The following XPR1 variants were observed in gnomAD, a reference collection of about 807,000 sequenced individuals.
The protein encoded by XPR1 is xenotropic and polytropic retrovirus receptor 1, also known as solute carrier family 53 member 1.
XPR1 carries 28 observed loss-of-function variants against 87.5 expected under a neutral mutation model. That is an observed-to-expected ratio of 0.32 (90% CI 0.24 to 0.44). The LOEUF (loss-of-function observed/expected upper bound fraction) is 0.44, where lower values mean the gene tolerates loss of function less well. XPR1 is among the 20% of genes least tolerant of loss of function. The probability of loss-of-function intolerance (pLI) is 1.00; values close to 1 mark genes in which losing one functional copy is unlikely to be tolerated. For missense variants in XPR1, 559 were observed against 862.3 expected, an observed-to-expected ratio of 0.65 and a Z score of 4.41; for synonymous variants, 300 against 306.1, an observed-to-expected ratio of 0.98 and a Z score of 0.21.
chr1:180,719,332 A>G (rs1207554080), intron 2 of XPR1, among the ~76,000 whole-genome samples: 1 of 152,240 alleles, frequency 6.6e-6, no homozygotes, highest in Non-Finnish European at 1.5e-5. Context: ...AATAAAGAAA[A>G]AAGTTGGAAG....
Position 180,834,899 on chromosome 1 carries a change from A to G in XPR1, c.1160A>G (p.His387Arg), listed in dbSNP as rs1357443383. 6.2e-7 allele frequency: 1 copy of G among 1,612,192 alleles called. No individual in the cohort carries two copies. Among genetic ancestry groups the G allele is most frequent in the Middle Eastern group, 1.7e-4 (1 of 6,050 alleles). ...LLFRVFTAPF[H>R]KVGFADFWLA... ...TTTCGAGTATTTACAGCCCCCTTCC[A>G]TAAGGTAGGCTTTGCTGATTTCTGG... The change falls in exon 10 of 15, where the codon CAT (histidine) becomes CGT (arginine). Residue 387 changes from histidine (H) to arginine (R), a missense_variant. His to Arg is a conservative substitution (Grantham distance 29, BLOSUM62 0). Around this residue, in one of 7 missense-constraint regions of XPR1, gnomAD observed 264 missense variants for 377.2 expected, o/e 0.70. Transcript: ENST00000367590.
At chr1:180,876,648 A>G (rs1193676153) in intron 13 of XPR1, among the ~76,000 whole-genome samples, 4 of 151,820 alleles carry the variant, frequency 2.6e-5, no homozygotes, top group Non-Finnish European at 5.9e-5. Context: ...AAAAAAAAAA[A>G]GAAAGAAACC....
At chr1:180,782,061 A>AGAG (rs1254531109) in intron 2 of XPR1, among the ~76,000 whole-genome samples, 1 of 152,004 alleles carries the variant, frequency 6.6e-6, no homozygotes, top group Admixed American at 6.6e-5. Context: ...ATTTTAGTAT[A>AGAG]ACTCACTGAT....
chr1:180,803,314 A>C, intron 3 of XPR1, 74 bp from the exon 4 acceptor site: 1 of 1,359,570 alleles, frequency 7.4e-7, no homozygotes, highest in Non-Finnish European at 1.0e-6. Flanking sequence ...GCAAATGGGA[A>C]TTATTAAAAA....
intron 12 of XPR1, among the ~76,000 whole-genome samples, chr1:180,865,642 C>T (rs150191167): frequency 1.3e-5 from 2 of 152,152 alleles, no homozygotes; most frequent in African/African-American, 2.4e-5. Context: ...CCTCATGATC[C>T]GCCTGCCTCG....
chr1:180,698,166 AT>A (rs542615151), intron 2 of XPR1, among the ~76,000 whole-genome samples: 3 of 152,028 alleles, frequency 2.0e-5, no homozygotes, highest in South Asian at 2.1e-4. Context: ...TGCTGAATTG[AT>A]TTTTTTATCA....
chr1:180,857,612 T>C (rs1199048456), intron 11 of XPR1, among the ~76,000 whole-genome samples: 4 of 152,184 alleles, frequency 2.6e-5, no homozygotes, highest in Admixed American at 1.3e-4. Flanking sequence ...TCCTGGCTTA[T>C]TGATTCCTTT....
intron 3 of XPR1, among the ~76,000 whole-genome samples, chr1:180,798,628 T>C (rs1371391086): frequency 6.6e-6 from 1 of 152,144 alleles, no homozygotes; most frequent in East Asian, 1.9e-4. Context: ...GTTTTTGTTT[T>C]TGAGACACAG....
chr1:180,835,435 T>C (rs1651246954), intron 10 of XPR1, among the ~76,000 whole-genome samples: 1 of 152,114 alleles, frequency 6.6e-6, no homozygotes, highest in Non-Finnish European at 1.5e-5. Flanking sequence ...GCTTTGAGAG[T>C]AACTACAGAT....
At chr1:180,644,850 C>G (rs778338832) in intron 1 of XPR1, among the ~76,000 whole-genome samples, 2 of 151,658 alleles carry the variant, frequency 1.3e-5, no homozygotes, top group Non-Finnish European at 2.9e-5. Context: ...TTATAGAACT[C>G]AACATAATGT....
At chr1:180,747,075 T>C (rs991002742) in intron 2 of XPR1, among the ~76,000 whole-genome samples, 2 of 152,306 alleles carry the variant, frequency 1.3e-5, no homozygotes, top group South Asian at 4.1e-4. Context: ...TAATACACAA[T>C]TACTTAATAT....
chr1:180,634,802 C>G (rs1654711974), intron 1 of XPR1, among the ~76,000 whole-genome samples: 1 of 151,644 alleles, frequency 6.6e-6, no homozygotes, highest in Non-Finnish European at 1.5e-5. Context: ...GAATTAGAAT[C>G]TGAAAATTTT....
At chr1:180,703,595 G>T (rs58078052) in intron 2 of XPR1, among the ~76,000 whole-genome samples, 2,550 of 152,252 alleles carry the variant, frequency 0.017, 78 homozygotes, top group African/African-American at 0.056. Flanking sequence ...TGGCAGCAGT[G>T]GTGAACAAGG....
chr1:180,769,455 T>TTCTC (rs113535211), intron 2 of XPR1, among the ~76,000 whole-genome samples: 1,238 of 118,680 alleles, frequency 0.01, 8 homozygotes, highest in African/African-American at 0.028. Context: ...TAACCATCCT[T>TTCTC]TCTCTCTCTC....
chr1:180,785,806 T>C (rs776297967), intron 2 of XPR1, among the ~76,000 whole-genome samples: 2 of 151,880 alleles, frequency 1.3e-5, no homozygotes, highest in Non-Finnish European at 2.9e-5. Flanking sequence ...TTCCTAACAA[T>C]AGAGAATAAA....
chr1:180,666,452 A>C (rs895577728), intron 1 of XPR1, among the ~76,000 whole-genome samples: 2 of 152,092 alleles, frequency 1.3e-5, no homozygotes, highest in Admixed American at 1.3e-4. Context: ...TTTGTCTTTC[A>C]TTTCTTTCAG....
At chr1:180,728,549 G>T (rs991998257) in intron 2 of XPR1, among the ~76,000 whole-genome samples, 2 of 152,152 alleles carry the variant, frequency 1.3e-5, no homozygotes, top group Non-Finnish European at 2.9e-5. Context: ...TTCTCAGGTG[G>T]TTCCTAAGAT....
chr1:180,890,113 TGTG>T lies in XPR1; in HGVS notation c.*6050_*6052del, dbSNP rs1330209561. On this transcript the variant is annotated 3_prime_UTR_variant, in exon 15 of 15. Transcript: ENST00000367590. ...CTTGATAAGTAGGTTAAATGCACAATGTGGTACTGTTTTATAGTTTCTAGATGG... is the reference window on the plus strand; with the variant it reads ...CTTGATAAGTAGGTTAAATGCACAATGTACTGTTTTATAGTTTCTAGATGG... 34 of 152,342 alleles carry T rather than the reference TGTG, an allele frequency of 2.2e-4. No individual in the cohort carries two copies. Among genetic ancestry groups the T allele is most frequent in the Middle Eastern group, 3.4e-3 (1 of 294 alleles). The allele number at this position is 152,342 out of a possible 1,614,324, so 9.4% of individuals were successfully genotyped here. A position where few individuals can be genotyped will look rare whatever the true frequency, so the allele number is the denominator to read the frequency against.
At chr1:180,769,863 G>C (rs571783056) in intron 2 of XPR1, among the ~76,000 whole-genome samples, 2 of 152,054 alleles carry the variant, frequency 1.3e-5, no homozygotes, top group Non-Finnish European at 2.9e-5. Flanking sequence ...ACTGTTCTCC[G>C]TAGTGGTTGT....
Sources: gnomAD v4.1 joint callset for allele counts (sites outside exome capture counted in the v4.1 genomes callset) on GRCh38, gnomAD v4.1.1 for gene constraint, gnomAD v4.1.1 regional missense constraint, MANE v1.5 for transcripts, NCBI Gene and HGNC (gene_info 2026-07-23, HGNC 2026-07-21) for gene names.